Variants in SHISA9 observed in about 807,000 individuals in gnomAD.
The protein encoded by SHISA9 is protein shisa-9.
SHISA9 carries 13 observed loss-of-function variants against 38.0 expected under a neutral mutation model. That is an observed-to-expected ratio of 0.34 (90% CI 0.22 to 0.54). The LOEUF is 0.54. Ranked by LOEUF, SHISA9 falls within the 20% of genes least tolerant of loss-of-function variation. The pLI is 0.91. For missense variants in SHISA9, 538 were observed against 575.8 expected, an observed-to-expected ratio of 0.93 and a Z score of 0.67; for synonymous variants, 275 against 242.0, an observed-to-expected ratio of 1.14 and a Z score of -1.27.
At chr16:13,089,256 A>C (rs1402941383) in intron 2 of SHISA9, among the ~76,000 whole-genome samples, 1 of 152,098 alleles carries the variant, frequency 6.6e-6, no homozygotes, top group Non-Finnish European at 1.5e-5. Flanking sequence ...ATTGGTCTAA[A>C]ATTCTCTTTT....
intron 1 of SHISA9, among the ~76,000 whole-genome samples, chr16:12,913,078 T>C (rs926265725): frequency 6.6e-6 from 1 of 152,158 alleles, no homozygotes; most frequent in Admixed American, 6.5e-5. Flanking sequence ...AAGTATACAG[T>C]TCAGTGGTTT....
the SHISA9 span, among the ~76,000 whole-genome samples, chr16:13,522,301 G>A: frequency 6.6e-6 from 1 of 152,210 alleles, no homozygotes; most frequent in Non-Finnish European, 1.5e-5. Context: ...CTGGAAGCCT[G>A]TTGGGAGACC....
At chr16:13,482,018 C>G in the SHISA9 span, among the ~76,000 whole-genome samples, 2 of 152,194 alleles carry the variant, frequency 1.3e-5, no homozygotes, top group Non-Finnish European at 2.9e-5. Flanking sequence ...CCATTGGGTA[C>G]TTGAGCTGAA....
the SHISA9 span, among the ~76,000 whole-genome samples, chr16:13,454,032 A>G: frequency 6.6e-6 from 1 of 152,198 alleles, no homozygotes; most frequent in Non-Finnish European, 1.5e-5. Context: ...TTCTTCGAAG[A>G]GTACCAGTGA....
At chr16:13,186,495 A>C (rs1303558412) in intron 2 of SHISA9, among the ~76,000 whole-genome samples, 1 of 151,572 alleles carries the variant, frequency 6.6e-6, no homozygotes, top group Non-Finnish European at 1.5e-5. Flanking sequence ...ATGGGATTTC[A>C]CCATGTTGGT....
downstream of SHISA9, among the ~76,000 whole-genome samples, chr16:13,243,417 G>C (rs73507185): frequency 0.017 from 2,625 of 152,080 alleles, 60 homozygotes; most frequent in African/African-American, 0.055. Flanking sequence ...TATTGGTTTG[G>C]TCCAGAAAGG....
In SHISA9 at chr16:13,235,449, T is replaced by G; in HGVS notation, c.*40T>G. On this transcript the variant is annotated 3_prime_UTR_variant, in exon 5 of 5. Transcript: ENST00000558583. ...GAGCACCCTGGAGACCACACTCAAC[T>G]GAGAGAGGCAAAAAACAACCCCGCC... 6.7e-7 allele frequency: 1 copy of G among 1,495,278 alleles called. No homozygotes were observed. Among genetic ancestry groups the G allele is most frequent in the Non-Finnish European group, 8.9e-7 (1 of 1,125,982 alleles). The allele number at this position is 1,495,278 out of a possible 1,614,324, so 92.6% of individuals were successfully genotyped here. A position where few individuals can be genotyped will look rare whatever the true frequency, so the allele number is the denominator to read the frequency against.
At chr16:13,150,333 G>A (rs1262504048) in intron 2 of SHISA9, among the ~76,000 whole-genome samples, 1 of 152,088 alleles carries the variant, frequency 6.6e-6, no homozygotes. Context: ...TTGTCATGGA[G>A]AGCCTTCCCT....
chr16:13,245,973 C>T, the SHISA9 span, among the ~76,000 whole-genome samples: 1 of 152,186 alleles, frequency 6.6e-6, no homozygotes, highest in Admixed American at 6.5e-5. Context: ...CTCCCTTCAA[C>T]ACAAGCTCTC....
At chr16:13,174,845 A>G (rs2050717769) in intron 2 of SHISA9, among the ~76,000 whole-genome samples, 1 of 152,232 alleles carries the variant, frequency 6.6e-6, no homozygotes, top group African/African-American at 2.4e-5. Flanking sequence ...GCTCTGAGAT[A>G]GAAAAAGAAA....
chr16:13,229,128 C>G (rs1041687012), intron 4 of SHISA9, among the ~76,000 whole-genome samples: 1 of 152,190 alleles, frequency 6.6e-6, no homozygotes, highest in Non-Finnish European at 1.5e-5. Flanking sequence ...CCACCGCACT[C>G]CAGCCTGGGT....
intron 2 of SHISA9, among the ~76,000 whole-genome samples, chr16:12,946,490 G>C (rs2071689867): frequency 1.3e-5 from 2 of 152,212 alleles, no homozygotes; most frequent in Admixed American, 1.3e-4. Context: ...GGAGAGCAAG[G>C]AAGGAAGGTA....
At chr16:13,226,229 A>G (rs1199977008) in intron 4 of SHISA9, among the ~76,000 whole-genome samples, 2 of 152,166 alleles carry the variant, frequency 1.3e-5, no homozygotes, top group African/African-American at 2.4e-5. Flanking sequence ...TTTCATGAAA[A>G]CTGCACTTCC....
the SHISA9 span, among the ~76,000 whole-genome samples, chr16:13,495,814 C>T: frequency 6.6e-6 from 1 of 152,038 alleles, no homozygotes; most frequent in East Asian, 1.9e-4. Context: ...TACATTGAAA[C>T]AGTACAAAAC....
the SHISA9 span, among the ~76,000 whole-genome samples, chr16:13,516,297 C>T: frequency 1.4e-4 from 21 of 152,098 alleles, no homozygotes; most frequent in African/African-American, 3.9e-4. Flanking sequence ...CGAGGTGAGG[C>T]AGAATGAAGG....
At chr16:13,186,319 A>G (rs1414672923) in intron 2 of SHISA9, among the ~76,000 whole-genome samples, 5 of 94,820 alleles carry the variant, frequency 5.3e-5, no homozygotes, top group South Asian at 4.0e-4. Context: ...TTTTTTTGAG[A>G]TGGAGTCTTG....
intron 2 of SHISA9, among the ~76,000 whole-genome samples, chr16:12,992,829 A>G (rs189737534): frequency 2.3e-4 from 35 of 152,330 alleles, no homozygotes; most frequent in Admixed American, 4.6e-4. Context: ...CATTTACTGA[A>G]TGCATACCAT....
At chr16:13,076,283 AG>A (rs1159402025) in intron 2 of SHISA9, among the ~76,000 whole-genome samples, 1 of 152,152 alleles carries the variant, frequency 6.6e-6, no homozygotes, top group Non-Finnish European at 1.5e-5. Context: ...TGCCCAACTC[AG>A]CCTCCCAAAA....
the SHISA9 span, among the ~76,000 whole-genome samples, chr16:13,488,147 C>G: frequency 6.6e-6 from 1 of 152,004 alleles, no homozygotes; most frequent in African/African-American, 2.4e-5. Flanking sequence ...TCATCCTTCC[C>G]CACTCTTTCC....
Sources: gnomAD v4.1 joint callset for allele counts (sites outside exome capture counted in the v4.1 genomes callset) on GRCh38, gnomAD v4.1.1 for gene constraint, MANE v1.5 for transcripts, NCBI Gene and HGNC (gene_info 2026-07-23, HGNC 2026-07-21) for gene names.